Variants in MAGEB3 observed in about 807,000 individuals in gnomAD.
The protein encoded by MAGEB3 is melanoma-associated antigen B3.
For synonymous variants in MAGEB3, 91 were observed against 93.0 expected (o/e 0.98, Z 0.12); for missense variants, 191 against 262.4 (o/e 0.73, Z 1.88).
At chrX:30,232,802 AC>A (rs1476732589) in intron 2 of MAGEB3, 24 bp from the exon 3 acceptor site, 2 of 81,181 alleles carry the variant, frequency 2.5e-5, no homozygotes, top group African/African-American at 8.3e-5. Context: ...ATAAATATAA[AC>A]TTTTTTTTAT....
At chrX:30,232,078 C>A in intron 2 of MAGEB3, among the ~76,000 whole-genome samples, 1 of 112,175 alleles carries the variant, frequency 8.9e-6, no homozygotes, top group Middle Eastern at 4.6e-3. Context: ...GTTGGCCTGA[C>A]GGGTGCAATA....
chrX:30,232,272 T>C (rs1428619318), intron 2 of MAGEB3, among the ~76,000 whole-genome samples: 2 of 111,510 alleles, frequency 1.8e-5, no homozygotes, highest in East Asian at 5.6e-4. Context: ...AGGCTTTCTC[T>C]AACAGGGCAG....
At chrX:30,232,585 C>G (rs1309673321) in intron 2 of MAGEB3, among the ~76,000 whole-genome samples, 1 of 104,124 alleles carries the variant, frequency 9.6e-6, no homozygotes, top group African/African-American at 3.5e-5. Context: ...CACGCCACTG[C>G]GCTCCAGCCT....
In MAGEB3 at chrX:30,235,946, A is replaced by G. The variant is rs764346553; in HGVS notation, c.22A>G (p.Thr8Ala). ...CATCATGCCTCGGGGTCAGAAGAGTACGCTCCATGCACGTGAGAAACGCCA... is the reference window on the plus strand; with the variant it reads ...CATCATGCCTCGGGGTCAGAAGAGTGCGCTCCATGCACGTGAGAAACGCCA... The part of the protein sequence containing the change: MPRGQKS[T>A]LHAREKRQQT... Residue 8 changes from threonine to alanine, a missense_variant, in exon 5 of 5, where the codon ACG becomes GCG. Coordinates refer to ENST00000361644, the MANE Select transcript of MAGEB3 (RefSeq NM_002365.5). The G allele has an allele frequency of 8.7e-5, 105 of 1,205,315 alleles. No individual in the cohort carries two copies. Among genetic ancestry groups the G allele is most frequent in the Non-Finnish European group, 1.1e-4 (102 of 893,230 alleles).
intron 4 of MAGEB3, among the ~76,000 whole-genome samples, chrX:30,234,194 A>C (rs12008668): frequency 0.11 from 12,053 of 109,987 alleles, 533 homozygotes; most frequent in Admixed American, 0.16. Context: ...GTGTTCAGGG[A>C]GATGAGGGTT....
chrX:30,235,812 G>A (rs1924958887), intron 4 of MAGEB3, 52 bp from the exon 5 acceptor site: 2 of 538,672 alleles, frequency 3.7e-6, no homozygotes, highest in South Asian at 3.3e-5. Context: ...AATCCAAAGT[G>A]GTACCTCTCT....
rs1340948310 is a variant in MAGEB3, at chrX:30,237,332, T to C, written c.*367T>C. On this transcript the variant is annotated 3_prime_UTR_variant, in exon 5 of 5. Coordinates refer to ENST00000361644, the MANE Select transcript of MAGEB3 (RefSeq NM_002365.5). ...AAAAAAAAAAGTCAGCAGTAAAATG[T>C]ATGGCATTAAGAAATAGAGAAAGAG... The C allele has an allele frequency of 1.9e-5, 3 of 161,093 alleles. No individual in the cohort carries two copies. Among genetic ancestry groups the C allele is most frequent in the Non-Finnish European group, 3.8e-5 (3 of 78,533 alleles). The allele number at this position is 161,093 out of a possible 1,213,427, so 13.3% of individuals were successfully genotyped here.
In MAGEB3 at chrX:30,236,074, C is replaced by A. The variant is rs1429736536; in HGVS notation, c.150C>A (p.Ile50=). 8.3e-7 allele frequency: 1 copy of A among 1,209,169 alleles called. No individual in the cohort carries two copies. The highest frequency in any genetic ancestry group is 1.1e-6 in the Non-Finnish European group (1 of 894,804). The change falls in exon 5 of 5, where the codon ATC becomes ATA. Residue 50 remains isoleucine, a synonymous_variant. Transcript: ENST00000361644. ...CCCCTCTTATTTTGGGGGCTACTAT[C>A]CAGAAAAAGTCTGCTGGTAGGTCAC... ...FSSPLILGAT[I]QKKSAGRSRS... is the part of the protein sequence containing the mutation.
rs1359034393 is a variant in MAGEB3 at position 30,236,703 on chromosome X, A to G, written c.779A>G (p.Tyr260Cys). Residue 260 changes from tyrosine to cysteine, a missense_variant, in exon 5 of 5, where the codon TAC becomes TGC. Physicochemically the swap from Tyr to Cys is radical, Grantham distance 194 (BLOSUM62 -2). Transcript: ENST00000361644. ...TTGGTGAAGCTTAAATACCTGGAGT[A>G]CCGACAAGTGCCCAACAGTAATCCT... Reference protein sequence around the residue: ...QDLVKLKYLEYRQVPNSNPAR... With the variant: ...QDLVKLKYLECRQVPNSNPAR... The G allele has an allele frequency of 8.2e-7, 1 of 1,212,318 alleles. No homozygotes were observed. Among genetic ancestry groups the G allele is most frequent in the Non-Finnish European group, 1.1e-6 (1 of 895,638 alleles).
Position 30,236,361 on chromosome X carries a change from A to G in MAGEB3, c.437A>G (p.Lys146Arg), listed in dbSNP as rs776429024. 6.6e-6 allele frequency: 8 copies of G among 1,208,712 alleles called. No individual in the cohort carries two copies. The highest frequency in any genetic ancestry group is 8.9e-6 in the Non-Finnish European group (8 of 894,616). The change falls in exon 5 of 5, where the codon AAG becomes AGG. Residue 146 changes from lysine to arginine, a missense_variant. Lys to Arg is a conservative substitution (Grantham distance 26, BLOSUM62 2). Transcript: ENST00000361644. ...DMLKIVQKSH[K>R]NCFPEILKKA... ...CTAAAAATTGTCCAAAAAAGCCATA[A>G]GAATTGCTTCCCTGAGATCCTTAAA...
intron 2 of MAGEB3, among the ~76,000 whole-genome samples, chrX:30,231,998 G>C (rs777493378): frequency 1.4e-4 from 16 of 112,133 alleles, no homozygotes; most frequent in East Asian, 8.5e-4. Flanking sequence ...CGTGTCACCC[G>C]CTGCTGTCAG....
intron 1 of MAGEB3, among the ~76,000 whole-genome samples, chrX:30,231,164 A>G (rs1320733751): frequency 9.3e-6 from 1 of 107,746 alleles, no homozygotes; most frequent in African/African-American, 3.4e-5. Flanking sequence ...CAAAAAAAAA[A>G]AAAATGGCGG....
In MAGEB3 at chrX:30,237,179, T is replaced by A. The variant is rs936387952; in HGVS notation, c.*214T>A. On this transcript the variant is annotated 3_prime_UTR_variant, in exon 5 of 5. Transcript: ENST00000361644. ...AATCTAAGTTTAGGATTGATACTGG[T>A]CACATTTGTTGTTTAAGAGTAAAAA... 2 of 331,569 alleles carry A rather than the reference T, an allele frequency of 6.0e-6. No individual in the cohort carries two copies. Among genetic ancestry groups the A allele is most frequent in the Non-Finnish European group, 1.1e-5 (2 of 186,118 alleles). 27.3% of individuals were successfully genotyped at this position (331,569 alleles called of 1,213,427 possible).
At position 30,236,835 on chromosome X, in the gene MAGEB3, A is replaced by G. The variant is rs1321976299; in HGVS notation, c.911A>G (p.Gln304Arg). 1 of 1,212,067 alleles carries G rather than the reference A, an allele frequency of 8.3e-7. No individual in the cohort carries two copies. Among genetic ancestry groups the G allele is most frequent in the Non-Finnish European group, 1.1e-6 (1 of 895,496 alleles). The change falls in exon 5 of 5, where the codon CAG (glutamine) becomes CGG (arginine). Residue 304 changes from glutamine to arginine, a missense_variant. By Grantham distance (43) the Gln-to-Arg change is conservative. Coordinates refer to ENST00000361644, the MANE Select transcript of MAGEB3 (RefSeq NM_002365.5). ...KVNKTVPSAFQFWYEEALRDE... is the reference protein window; with the variant it reads ...KVNKTVPSAFRFWYEEALRDE... ...AATAAAACTGTCCCCAGTGCGTTCC[A>G]GTTCTGGTATGAAGAGGCTTTGAGA...
chrX:30,232,431 A>G (rs1316089475), intron 2 of MAGEB3, among the ~76,000 whole-genome samples: 45 of 96,458 alleles, frequency 4.7e-4, no homozygotes, highest in Admixed American at 7.7e-4. Context: ...ACCAGCCGGG[A>G]CAACATGGCG....
At chrX:30,231,274 C>T (rs1182195217) in intron 1 of MAGEB3, among the ~76,000 whole-genome samples, 8 of 106,430 alleles carry the variant, frequency 7.5e-5, no homozygotes, top group African/African-American at 2.0e-4. Context: ...GCCAAGGTCA[C>T]GCCACTGCGC....
intron 4 of MAGEB3, among the ~76,000 whole-genome samples, chrX:30,233,766 G>A (rs1341786252): frequency 8.9e-6 from 1 of 112,052 alleles, no homozygotes; most frequent in Admixed American, 9.4e-5. Context: ...CCCAGAGCGG[G>A]ACGTGTCTCA....
At chrX:30,235,789 C>T (rs1391114082) in intron 4 of MAGEB3, 75 bp from the exon 5 acceptor site, 10 of 479,523 alleles carry the variant, frequency 2.1e-5, no homozygotes, top group African/African-American at 2.4e-5. Flanking sequence ...ACTGCAGAGG[C>T]GACCTTCTTT....
chrX:30,232,633 C>A (rs1021941347), intron 2 of MAGEB3, among the ~76,000 whole-genome samples, 194 bp from the exon 3 acceptor site: 3 of 100,620 alleles, frequency 3.0e-5, no homozygotes, highest in Non-Finnish European at 4.0e-5. Flanking sequence ...ATTAGCCGGG[C>A]GTGGTGCGGC....
Sources: allele counts gnomAD v4.1 joint callset (sites outside exome capture counted in the v4.1 genomes callset), GRCh38; gene constraint gnomAD v4.1.1; transcripts MANE v1.5; gene names NCBI Gene and HGNC (gene_info 2026-07-23, HGNC 2026-07-21).